Variants in PANK2 observed in about 807,000 individuals in gnomAD.
The protein encoded by PANK2 is pantothenate kinase 2.
In PANK2, 36 loss-of-function variants were observed where a neutral mutation model predicts 43.1. The ratio of observed to expected loss-of-function variants is 0.84; its 90% CI spans 0.64 to 1.10. The LOEUF is 1.10. Among genes scored for constraint, PANK2 ranks in the 50% least tolerant of loss-of-function variants. The probability of loss-of-function intolerance (pLI) is 0.00; values close to 1 mark genes in which losing one functional copy is unlikely to be tolerated. For synonymous variants in PANK2, 281 were observed against 238.2 expected (o/e 1.18, Z -1.66); for missense variants, 576 against 593.3 (o/e 0.97, Z 0.30).
intron 1 of PANK2, among the ~76,000 whole-genome samples, chr20:3,904,497 T>C (rs2090354430): frequency 6.6e-6 from 1 of 150,532 alleles, no homozygotes; most frequent in African/African-American, 2.4e-5. Flanking sequence ...AGCCCAGGAG[T>C]TCAAGGTTAC....
At chr20:3,889,929 A>C (rs1055174273) in intron 1 of PANK2, 1 of 1,531,044 alleles carries the variant, frequency 6.5e-7, no homozygotes, top group African/African-American at 1.4e-5. Flanking sequence ...CCCCGCACCC[A>C]TTGGTATGCA....
At chr20:3,905,163 GACTGCACC>G (rs56262240) in intron 1 of PANK2, among the ~76,000 whole-genome samples, 101,799 of 150,982 alleles carry the variant, frequency 0.67, 34,597 homozygotes, top group Admixed American at 0.77. Flanking sequence ...CATCGCTTGT[GACTGCACC>G]ACTGCACCAG....
intron 1 of PANK2, among the ~76,000 whole-genome samples, chr20:3,901,017 G>C (rs2090291964): frequency 6.6e-6 from 1 of 151,724 alleles, no homozygotes; most frequent in African/African-American, 2.4e-5. Context: ...TGATCCACCT[G>C]CCTTGGCCTC....
At chr20:3,908,740 C>T (rs1188528038) in intron 2 of PANK2, 3 of 230,240 alleles carry the variant, frequency 1.3e-5, no homozygotes, top group African/African-American at 7.0e-5. Context: ...TTTTCAGGCT[C>T]AGGGCTGGTC....
chr20:3,893,482 C>T (rs931053601), intron 1 of PANK2, among the ~76,000 whole-genome samples: 2 of 152,090 alleles, frequency 1.3e-5, no homozygotes, highest in African/African-American at 4.8e-5. Context: ...ACATTTTTAT[C>T]AAGGGCTCCA....
At chr20:3,918,888 A>G (rs2090605214) in intron 6 of PANK2, 92 bp downstream of exon 6, 1 of 1,590,640 alleles carries the variant, frequency 6.3e-7, no homozygotes, top group Admixed American at 1.7e-5. Flanking sequence ...TGGAGGTGAA[A>G]TGGGCTGCAG....
intron 1 of PANK2, among the ~76,000 whole-genome samples, chr20:3,903,784 C>G (rs532588578): frequency 6.6e-6 from 1 of 151,840 alleles, no homozygotes; most frequent in Non-Finnish European, 1.5e-5. Context: ...TGTGCCACCA[C>G]GCCCGGCTAA....
chr20:3,901,228 T>G (rs935673983), intron 1 of PANK2, among the ~76,000 whole-genome samples: 1 of 150,378 alleles, frequency 6.6e-6, no homozygotes, highest in African/African-American at 2.4e-5. Flanking sequence ...AAATTTTTTT[T>G]TAGAGATGTG....
intron 6 of PANK2, among the ~76,000 whole-genome samples, chr20:3,921,001 C>G (rs983328392): frequency 6.6e-6 from 1 of 151,992 alleles, no homozygotes; most frequent in Non-Finnish European, 1.5e-5. Flanking sequence ...CATTTGCATT[C>G]AGGCCTTTGA....
chr20:3,899,962 C>G (rs1456766221), intron 1 of PANK2, among the ~76,000 whole-genome samples: 1 of 151,924 alleles, frequency 6.6e-6, no homozygotes, highest in Non-Finnish European at 1.5e-5. Context: ...CCTCGGCCTC[C>G]CAATGTGCTG....
rs776597875 is a variant in PANK2, at chr20:3,908,165, C to T, written c.538C>T (p.His180Tyr). 8.1e-6 allele frequency: 13 copies of T among 1,614,050 alleles called. No homozygotes were observed. Among genetic ancestry groups the T allele is most frequent in the South Asian group, 1.1e-5 (1 of 91,082 alleles). ...TCTGCACTTTATACGCTTTCCCACT[C>T]ATGACATGCCTGCTTTTATTCAAAT... The change falls in exon 2 of 7, where the codon CAT (histidine) becomes TAT (tyrosine). Residue 180 changes from histidine to tyrosine, a missense_variant. By Grantham distance (83) the His-to-Tyr change is moderately conservative. Coordinates refer to ENST00000610179, the MANE Select transcript of PANK2 (RefSeq NM_001386393.1).
chr20:3,897,394 G>A (rs999854749), intron 1 of PANK2, among the ~76,000 whole-genome samples: 1 of 152,110 alleles, frequency 6.6e-6, no homozygotes, highest in Admixed American at 6.6e-5. Flanking sequence ...AGAAGGCAGG[G>A]GCCTTCTCTT....
intron 3 of PANK2, among the ~76,000 whole-genome samples, chr20:3,911,689 C>G (rs996791587): frequency 6.6e-5 from 10 of 151,152 alleles, no homozygotes; most frequent in South Asian, 2.1e-4. Context: ...GTCGGGAGTT[C>G]GAGACCAGCC....
chr20:3,894,661 C>G (rs1266233393), intron 1 of PANK2, among the ~76,000 whole-genome samples: 1 of 152,036 alleles, frequency 6.6e-6, no homozygotes, highest in Non-Finnish European at 1.5e-5. Flanking sequence ...TCACTGCAAC[C>G]TCTGTCTCCC....
At chr20:3,904,342 A>T (rs1455868445) in intron 1 of PANK2, among the ~76,000 whole-genome samples, 3 of 151,910 alleles carry the variant, frequency 2.0e-5, no homozygotes, top group Non-Finnish European at 2.9e-5. Context: ...GCACTTTGGG[A>T]GGCCAAAGTG....
In PANK2 at chr20:3,915,776, T is replaced by G. The variant is rs1019059682; in HGVS notation, c.1083-1151T>G. Reference sequence around the variant, plus strand: ...TTCTCTTGGCCCCTTTGTCAAAAATTAGTTGACCATAGATGTTTGGGTTTA... The same window carrying G: ...TTCTCTTGGCCCCTTTGTCAAAAATGAGTTGACCATAGATGTTTGGGTTTA... On this transcript the variant is annotated intron_variant, in intron 4 of 6. Coordinates refer to ENST00000610179, the MANE Select transcript of PANK2 (RefSeq NM_001386393.1). Among the ~76,000 whole-genome samples, 3 of 152,226 alleles carry G rather than the reference T, an allele frequency of 2.0e-5. No homozygotes were observed. The East Asian group carries it at 5.8e-4, about 29-fold the overall frequency.
rs776390292 is a variant in PANK2, at chr20:3,910,771, A to G, written c.846A>G (p.Ser282=). The change falls in exon 3 of 7, where the codon TCA becomes TCG. Residue 282 remains serine (S), a synonymous_variant. Coordinates refer to ENST00000610179, the MANE Select transcript of PANK2 (RefSeq NM_001386393.1). ...CTCTGCTTCTGGTGAACATTGGCTCAGGGGTTAGCATCTTAGCAGTATATT... is the reference window on the plus strand; with the variant it reads ...CTCTGCTTCTGGTGAACATTGGCTCGGGGGTTAGCATCTTAGCAGTATATT... 3 of 1,614,184 alleles carry G rather than the reference A, an allele frequency of 1.9e-6. No homozygotes were observed. Among genetic ancestry groups the G allele is most frequent in the Non-Finnish European group, 2.5e-6 (3 of 1,180,016 alleles).
At chr20:3,904,861 A>G (rs752181470) in intron 1 of PANK2, among the ~76,000 whole-genome samples, 5 of 152,168 alleles carry the variant, frequency 3.3e-5, no homozygotes, top group Non-Finnish European at 7.3e-5. Flanking sequence ...TCTAGTTTGT[A>G]AAAGTGATAA....
intron 1 of PANK2, among the ~76,000 whole-genome samples, chr20:3,897,263 G>A (rs765556406): frequency 6.6e-6 from 1 of 152,182 alleles, no homozygotes; most frequent in Non-Finnish European, 1.5e-5. Context: ...TTTGAAATGT[G>A]GCCTAAGTCA....
Sources: gnomAD v4.1 joint callset for allele counts (sites outside exome capture counted in the v4.1 genomes callset) on GRCh38, gnomAD v4.1.1 for gene constraint, MANE v1.5 for transcripts, NCBI Gene and HGNC (gene_info 2026-07-23, HGNC 2026-07-21) for gene names.